Variants in DNAH7 observed in about 807,000 individuals in gnomAD.
DNAH7 encodes dynein axonemal heavy chain 7, also known as axonemal beta dynein heavy chain 7.
In DNAH7, 397 loss-of-function variants were observed where a neutral mutation model predicts 444.6. The ratio of observed to expected loss-of-function variants is 0.89; its 90% CI spans 0.82 to 0.97. The LOEUF (loss-of-function observed/expected upper bound fraction) is 0.97, where lower values mean the gene tolerates loss of function less well. Among genes scored for constraint, DNAH7 ranks in the 50% least tolerant of loss-of-function variants. The pLI is 0.00. For synonymous variants in DNAH7, 1,636 were observed against 1,624.4 expected (o/e 1.01, Z -0.17); for missense variants, 4,902 against 4,800.8 (o/e 1.02, Z -0.62).
intron 60 of DNAH7, among the ~76,000 whole-genome samples, chr2:195,774,481 C>T (rs558975394): frequency 0.026 from 1,309 of 49,530 alleles, 10 homozygotes; most frequent in South Asian, 0.055. Flanking sequence ...CCACATTATC[C>T]TTCTAATTTT....
chr2:195,939,928 A>G (rs775888293), intron 19 of DNAH7, among the ~76,000 whole-genome samples: 139 of 152,278 alleles, frequency 9.1e-4, no homozygotes, highest in Middle Eastern at 3.4e-3. Flanking sequence ...GATCAATATC[A>G]TGAAACTGGC....
chr2:195,917,285 G>A (rs956767825), intron 24 of DNAH7, among the ~76,000 whole-genome samples: 2 of 152,038 alleles, frequency 1.3e-5, no homozygotes, highest in African/African-American at 2.4e-5. Context: ...GGCGGAGTTT[G>A]ACAGGTATAT....
At chr2:195,921,669 C>A (rs1054990383) in intron 24 of DNAH7, among the ~76,000 whole-genome samples, 16 of 152,116 alleles carry the variant, frequency 1.1e-4, no homozygotes, top group African/African-American at 3.9e-4. Context: ...ATGGGTGCAC[C>A]AAATCTCAGA....
chr2:195,958,700 GAATA>G (rs1170293385), intron 18 of DNAH7, among the ~76,000 whole-genome samples: 1 of 152,120 alleles, frequency 6.6e-6, no homozygotes, highest in African/African-American at 2.4e-5. Flanking sequence ...ATTTCCTCAA[GAATA>G]AATATAATTA....
intron 15 of DNAH7, among the ~76,000 whole-genome samples, chr2:195,975,798 A>G (rs1194327995): frequency 6.6e-6 from 1 of 152,198 alleles, no homozygotes; most frequent in Non-Finnish European, 1.5e-5. Context: ...AGACATTTCT[A>G]GACACACATG....
At position 195,824,303 on chromosome 2, in the gene DNAH7, A is replaced by C. The variant is rs1697608641; in HGVS notation, c.9243T>G (p.Ile3081Met). The change falls in exon 49 of 65, where the codon ATT becomes ATG. Residue 3081 changes from isoleucine (I) to methionine (M), a missense_variant. Ile to Met is a conservative substitution (Grantham distance 10, BLOSUM62 1). Coordinates refer to ENST00000312428, the MANE Select transcript of DNAH7 (RefSeq NM_018897.3). ...IEYAPDFRFYITTKLRNPHYL... is the reference protein window; with the variant it reads ...IEYAPDFRFYMTTKLRNPHYL... ...AATGAGGATTTCTTAACTTGGTAGT[A>C]ATATAGAAGCGGAAGTCAGGTGCAT... 4 of 1,613,810 alleles carry C rather than the reference A, an allele frequency of 2.5e-6. No homozygotes were observed. Among genetic ancestry groups the C allele is most frequent in the Non-Finnish European group, 3.4e-6 (4 of 1,179,830 alleles).
At chr2:195,774,966 C>T (rs1018295593) in intron 60 of DNAH7, among the ~76,000 whole-genome samples, 1 of 152,144 alleles carries the variant, frequency 6.6e-6, no homozygotes, top group Non-Finnish European at 1.5e-5. Flanking sequence ...AAAAACAAAT[C>T]AAATTAACAA....
At chr2:195,825,426 AAT>A (rs1414573758) in intron 48 of DNAH7, among the ~76,000 whole-genome samples, 1 of 152,148 alleles carries the variant, frequency 6.6e-6, no homozygotes, top group Non-Finnish European at 1.5e-5. Context: ...TAACAGCATA[AAT>A]GTTTCCCCAT....
intron 5 of DNAH7, among the ~76,000 whole-genome samples, chr2:196,045,191 AGGAGGAGGAAAAGG>A (rs1291226934): frequency 1.4e-5 from 2 of 147,664 alleles, no homozygotes; most frequent in African/African-American, 5.1e-5. Flanking sequence ...GAAGAGGAGA[AGGAGGAGGAAAAGG>A]AGGAGGAGGA....
chr2:196,056,306 G>A (rs1441222878), intron 2 of DNAH7, among the ~76,000 whole-genome samples: 5 of 151,814 alleles, frequency 3.3e-5, no homozygotes, highest in Admixed American at 1.3e-4. Context: ...TTAGGCAGGC[G>A]TGGTGGCATA....
In DNAH7 at chr2:196,048,389, G is replaced by A; in HGVS notation, c.157C>T (p.His53Tyr). The part of the protein sequence containing the change: ...PQLSMVSTKP[H>Y]WQQAAPSFHL... Reference sequence around the variant, plus strand: ...AATGATGGAGCTGCCTGCTGCCAGTGGGGCTTTGTACTCACCTAAAATACA... The same window carrying A: ...AATGATGGAGCTGCCTGCTGCCAGTAGGGCTTTGTACTCACCTAAAATACA... Residue 53 changes from histidine to tyrosine, a missense_variant, in exon 4 of 65, where the codon CAC (histidine) becomes TAC (tyrosine). Coordinates refer to ENST00000312428, the MANE Select transcript of DNAH7 (RefSeq NM_018897.3). The A allele has an allele frequency of 5.0e-6, 8 of 1,613,820 alleles. No homozygotes were observed. Among genetic ancestry groups the A allele is most frequent in the Non-Finnish European group, 6.8e-6 (8 of 1,179,842 alleles).
chr2:195,785,146 C>T (rs372608071), intron 58 of DNAH7, among the ~76,000 whole-genome samples: 4 of 152,188 alleles, frequency 2.6e-5, no homozygotes, highest in Admixed American at 6.5e-5. Flanking sequence ...CTCCTGACCT[C>T]GTGATCTGCC....
chr2:195,855,959 TTTATCTTTTTGGGAGCTAC>T lies in DNAH7; in HGVS notation c.8428_8446del (p.Val2810AsnfsTer39). 2.5e-6 allele frequency: 4 copies of T among 1,612,890 alleles called. No homozygotes were observed. The highest frequency in any genetic ancestry group is 3.4e-6 in the Non-Finnish European group (4 of 1,179,608). ...AAGCTCCCCTTCAGCTGCAGCCAGT[TTTATCTTTTTGGGAGCTAC>T]TATTTTTGCCACTCTGCAAAAAGTA... On this transcript the variant is annotated frameshift_variant, in exon 45 of 65. Transcript: ENST00000312428. LOFTEE classifies it high-confidence loss of function.
intron 47 of DNAH7, among the ~76,000 whole-genome samples, chr2:195,836,438 A>T (rs1431712422): frequency 6.6e-6 from 1 of 151,830 alleles, no homozygotes. Flanking sequence ...TTGAGTTTGC[A>T]GTGAGCTGGG....
At position 195,884,243 on chromosome 2, in the gene DNAH7, G is replaced by A. The variant is rs1320511201; in HGVS notation, c.5763+342C>T. Among the ~76,000 whole-genome samples, 4 of 152,174 alleles carry A rather than the reference G, an allele frequency of 2.6e-5. No homozygotes were observed. In the East Asian group the frequency reaches 7.7e-4, roughly 29 times the overall value. ...TTCTTAGTGCCTAGTATACTAACAT[G>A]CACCATGAACTTCTAACAGCTGTCC... On this transcript the variant is annotated intron_variant, in intron 35 of 64. Transcript: ENST00000312428.
intron 54 of DNAH7, among the ~76,000 whole-genome samples, chr2:195,801,273 CT>C (rs67153831): frequency 0.025 from 3,758 of 152,000 alleles, 84 homozygotes; most frequent in Non-Finnish European, 0.034. Flanking sequence ...ACCAAAAGTA[CT>C]TTTTTTCCTG....
intron 61 of DNAH7, among the ~76,000 whole-genome samples, chr2:195,766,685 G>C (rs1409418705): frequency 6.6e-6 from 1 of 152,072 alleles, no homozygotes; most frequent in African/African-American, 2.4e-5. Flanking sequence ...AACTAAAAGA[G>C]AATAATTCAT....
chr2:195,850,518 G>A (rs1331031673), intron 46 of DNAH7, among the ~76,000 whole-genome samples: 3 of 152,144 alleles, frequency 2.0e-5, no homozygotes, highest in Non-Finnish European at 1.5e-5. Flanking sequence ...TGAGAGCTGT[G>A]GGCCCAGTTA....
At chr2:195,822,153 C>T (rs1697504911) in intron 49 of DNAH7, among the ~76,000 whole-genome samples, 1 of 152,186 alleles carries the variant, frequency 6.6e-6, no homozygotes, top group Non-Finnish European at 1.5e-5. Context: ...TTCTCTACTG[C>T]TTTGCCATTT....
Sources: allele counts gnomAD v4.1 joint callset (sites outside exome capture counted in the v4.1 genomes callset), GRCh38; gene constraint gnomAD v4.1.1; transcripts MANE v1.5; gene names NCBI Gene and HGNC (gene_info 2026-07-23, HGNC 2026-07-21).